Variants in ITPR1 observed in about 807,000 individuals in gnomAD.
The protein encoded by ITPR1 is inositol 1,4,5-trisphosphate receptor type 1.
Under a neutral mutation model 318.4 loss-of-function variants are expected in ITPR1, and 96 were observed. That is an observed-to-expected ratio of 0.30 (90% CI 0.26 to 0.36). The LOEUF is 0.36. ITPR1 is among the 10% of genes least tolerant of loss of function. The probability of loss-of-function intolerance (pLI) is 1.00; values close to 1 mark genes in which losing one functional copy is unlikely to be tolerated. For missense variants in ITPR1, 2,440 were observed against 3,460.2 expected, an observed-to-expected ratio of 0.71 and a Z score of 7.40; for synonymous variants, 1,312 against 1,289.9, an observed-to-expected ratio of 1.02 and a Z score of -0.37.
chr3:4,688,100 T>C (rs2686625), intron 30 of ITPR1, among the ~76,000 whole-genome samples: 59,921 of 151,900 alleles, frequency 0.39, 13,355 homozygotes, highest in Non-Finnish European at 0.53. Context: ...TCTCACTATG[T>C]TGGCCAGGCT....
intron 44 of ITPR1, among the ~76,000 whole-genome samples, chr3:4,761,103 C>G (rs561228790): frequency 6.2e-4 from 95 of 152,318 alleles, no homozygotes; most frequent in African/African-American, 2.3e-3. Flanking sequence ...CACAACCCCC[C>G]ACCCTCCAGA....
chr3:4,689,874 G>A (rs1236365445), intron 31 of ITPR1, among the ~76,000 whole-genome samples: 2 of 152,208 alleles, frequency 1.3e-5, no homozygotes, highest in South Asian at 2.1e-4. Context: ...AGCATCCAAA[G>A]GGGAGGCAGA....
intron 11 of ITPR1, among the ~76,000 whole-genome samples, chr3:4,652,444 A>C (rs949266375): frequency 6.6e-6 from 1 of 152,176 alleles, no homozygotes; most frequent in Non-Finnish European, 1.5e-5. Flanking sequence ...TGTGGGGAGA[A>C]AGTAAGTTAG....
At chr3:4,656,213 T>C (rs761185768) in intron 12 of ITPR1, among the ~76,000 whole-genome samples, 1 of 152,246 alleles carries the variant, frequency 6.6e-6, no homozygotes, top group Non-Finnish European at 1.5e-5. Context: ...ACGCTGCCTC[T>C]CAGTCACTTT....
intron 10 of ITPR1, among the ~76,000 whole-genome samples, chr3:4,646,625 A>G (rs570036470): frequency 6.6e-6 from 1 of 152,324 alleles, no homozygotes; most frequent in Admixed American, 6.5e-5. Context: ...GAATAACATA[A>G]TCAGTGTGCA....
At chr3:4,568,863 G>A (rs963204539) in intron 4 of ITPR1, among the ~76,000 whole-genome samples, 1 of 152,134 alleles carries the variant, frequency 6.6e-6, no homozygotes, top group Non-Finnish European at 1.5e-5. Flanking sequence ...GGTTTAATTG[G>A]CTCACAGTTC....
intron 9 of ITPR1, 40 bp from the exon 10 acceptor site, chr3:4,645,542 A>G (rs368938543): frequency 3.7e-6 from 6 of 1,608,724 alleles, no homozygotes; most frequent in Non-Finnish European, 5.1e-6. Context: ...TCTCTTTTTA[A>G]ATTCTTTTTT....
intron 35 of ITPR1, among the ~76,000 whole-genome samples, chr3:4,701,211 C>T (rs147238340): frequency 1.1e-3 from 174 of 152,298 alleles, no homozygotes; most frequent in Non-Finnish European, 1.9e-3. Flanking sequence ...AGTCAAGAGA[C>T]ACTGCTTTCT....
At chr3:4,531,800 C>G (rs2124952465) in intron 4 of ITPR1, among the ~76,000 whole-genome samples, 1 of 152,318 alleles carries the variant, frequency 6.6e-6, no homozygotes, top group Middle Eastern at 3.4e-3. Context: ...TCTCAGGCAT[C>G]TCCTCTGGGG....
At position 4,838,720 on chromosome 3, in the gene ITPR1, C is replaced by T. The variant is rs575973291; in HGVS notation, c.8190+1785C>T. Among the ~76,000 whole-genome samples, 19 of 152,326 alleles carry T rather than the reference C, an allele frequency of 1.2e-4. No individual in the cohort carries two copies. The South Asian group carries it at 3.9e-3, about 32-fold the overall frequency. ...CATGCCAATGCGAGTGGCATTCATT[C>T]TTGCTCACTCATTTCTGCTTCTCAT... On this transcript the variant is annotated intron_variant, in intron 61 of 61. Coordinates refer to ENST00000649015, the MANE Select transcript of ITPR1 (RefSeq NM_001378452.1).
At chr3:4,688,205 G>A (rs905378734) in intron 30 of ITPR1, among the ~76,000 whole-genome samples, 10 of 152,214 alleles carry the variant, frequency 6.6e-5, no homozygotes, top group Non-Finnish European at 1.0e-4. Context: ...TTAGAAGTAG[G>A]GGGTTCAGAA....
In ITPR1 at chr3:4,826,978, T is replaced by C. The variant is rs138279743; in HGVS notation, c.8028+8736T>C. On this transcript the variant is annotated intron_variant, in intron 60 of 61. Coordinates refer to ENST00000649015, the MANE Select transcript of ITPR1 (RefSeq NM_001378452.1). This position sits in a 1 kb window ranked among gnomAD's most constrained non-coding sequence, Gnocchi z 4.2. ...AGGACATGAGGGTTATGCACAGACA[T>C]TGTTCCGTCAGCCACTGAAGACTCG... Among the ~76,000 whole-genome samples, 11 of 152,310 alleles carry C rather than the reference T, an allele frequency of 7.2e-5. No homozygotes were observed. The highest frequency in any genetic ancestry group is 1.2e-4 in the African/African-American group (5 of 41,556).
intron 44 of ITPR1, among the ~76,000 whole-genome samples, chr3:4,759,455 G>A (rs1296480787): frequency 6.6e-6 from 1 of 152,186 alleles, no homozygotes; most frequent in African/African-American, 2.4e-5. Context: ...CCCCAGTGTG[G>A]TCAAAAGTAA....
At chr3:4,782,991 C>T (rs761349232) in intron 50 of ITPR1, among the ~76,000 whole-genome samples, 1 of 152,134 alleles carries the variant, frequency 6.6e-6, no homozygotes, top group African/African-American at 2.4e-5. Context: ...GCATTCACCC[C>T]CAAGCAGTGA....
chr3:4,524,974 T>A (rs1443948884), intron 4 of ITPR1, among the ~76,000 whole-genome samples: 1 of 152,222 alleles, frequency 6.6e-6, no homozygotes, highest in Non-Finnish European at 1.5e-5. Context: ...GTCTGACCCT[T>A]AGTTAAGAGT....
chr3:4,752,378 G>T (rs556064017), intron 44 of ITPR1, among the ~76,000 whole-genome samples: 1 of 152,128 alleles, frequency 6.6e-6, no homozygotes, highest in Admixed American at 6.5e-5. Flanking sequence ...CACTGGGGCC[G>T]GGGTAGTTAA....
chr3:4,670,374 C>G (rs1215699577), intron 19 of ITPR1, among the ~76,000 whole-genome samples: 1 of 152,186 alleles, frequency 6.6e-6, no homozygotes, highest in Non-Finnish European at 1.5e-5. Flanking sequence ...GGTATTTTCA[C>G]ATTTCGGGCT....
chr3:4,603,252 T>C (rs541796479), intron 4 of ITPR1, among the ~76,000 whole-genome samples: 2 of 152,206 alleles, frequency 1.3e-5, no homozygotes, highest in East Asian at 1.9e-4. Flanking sequence ...TTTCAACTTT[T>C]ATTTTAGATT....
chr3:4,797,057 C>A (rs1292929213), intron 53 of ITPR1, among the ~76,000 whole-genome samples: 2 of 151,924 alleles, frequency 1.3e-5, no homozygotes, highest in African/African-American at 4.8e-5. Context: ...CTGCAGGAGG[C>A]AAGGATGCAT....
Sources: allele counts gnomAD v4.1 joint callset (sites outside exome capture counted in the v4.1 genomes callset), GRCh38; gene constraint gnomAD v4.1.1; non-coding constraint Gnocchi (gnomAD v3.1); transcripts MANE v1.5; gene names NCBI Gene and HGNC (gene_info 2026-07-23, HGNC 2026-07-21).